Variants in TFEC observed in about 807,000 individuals in gnomAD.
TFEC encodes class E basic helix-loop-helix protein 34.
Under a neutral mutation model 41.6 loss-of-function variants are expected in TFEC, and 31 were observed. The observed-to-expected ratio is 0.74, with a 90% CI of 0.56 to 1.01. The LOEUF (loss-of-function observed/expected upper bound fraction) is 1.01. Among genes scored for constraint, TFEC ranks in the 50% least tolerant of loss-of-function variants. The pLI, the probability that TFEC is intolerant of heterozygous loss-of-function variation, is 0.00. For missense variants in TFEC, 402 were observed against 404.1 expected, an observed-to-expected ratio of 0.99 and a Z score of 0.04; for synonymous variants, 143 against 140.6, an observed-to-expected ratio of 1.02 and a Z score of -0.12.
rs973605528 is a variant in TFEC, at chr7:116,028,983, T to C, written c.-73+1650A>G. Reference sequence around the variant, plus strand: ...CACTATGCTACAAATTTGTACCTTATTTAAATGTCTTGTAATTATTTTGGG... The same window carrying C: ...CACTATGCTACAAATTTGTACCTTACTTAAATGTCTTGTAATTATTTTGGG... On this transcript the variant is annotated intron_variant, in intron 1 of 7. Coordinates refer to ENST00000265440, the MANE Select transcript of TFEC (RefSeq NM_012252.4). Among the ~76,000 whole-genome samples, 22 of 152,174 alleles carry C rather than the reference T, an allele frequency of 1.4e-4. 1 individual carries two copies. The highest frequency in any genetic ancestry group is 5.3e-4 in the African/African-American group (22 of 41,452).
intron 3 of TFEC, among the ~76,000 whole-genome samples, chr7:116,060,112 C>T (rs987249584): frequency 7.2e-5 from 11 of 151,992 alleles, no homozygotes; most frequent in African/African-American, 2.7e-4. Flanking sequence ...GTAAATTTAA[C>T]AAGGTTTCAG....
chr7:116,109,316 T>A (rs1397453145), intron 3 of TFEC, among the ~76,000 whole-genome samples: 1 of 152,092 alleles, frequency 6.6e-6, no homozygotes, highest in Non-Finnish European at 1.5e-5. Context: ...AATTTTGCAA[T>A]CTACTCATCT....
chr7:115,948,374 A>G (rs1341348087), intron 6 of TFEC, among the ~76,000 whole-genome samples: 1 of 152,122 alleles, frequency 6.6e-6, no homozygotes, highest in African/African-American at 2.4e-5. Flanking sequence ...CTGATACCAA[A>G]GCCGGGCAGA....
intron 1 of TFEC, among the ~76,000 whole-genome samples, chr7:116,112,785 A>T (rs567248294): frequency 2.8e-4 from 42 of 152,026 alleles, no homozygotes; most frequent in Non-Finnish European, 3.5e-4. Flanking sequence ...GTAATAACGG[A>T]TCAGCAAACC....
At chr7:115,974,283 A>G (rs770684531) in intron 2 of TFEC, 27 bp from the exon 3 acceptor site, 6 of 1,473,860 alleles carry the variant, frequency 4.1e-6, no homozygotes, top group Admixed American at 2.4e-5. Flanking sequence ...CATTTAGAAT[A>G]TTGTACATAA....
intron 3 of TFEC, among the ~76,000 whole-genome samples, chr7:115,971,199 T>C (rs1347744811): frequency 6.6e-6 from 1 of 151,926 alleles, no homozygotes; most frequent in Admixed American, 6.6e-5. Flanking sequence ...CCCAGAGACA[T>C]TGGCTTAGAA....
chr7:116,012,282 A>G (rs979184349), intron 1 of TFEC, among the ~76,000 whole-genome samples: 4 of 152,162 alleles, frequency 2.6e-5, no homozygotes, highest in Non-Finnish European at 4.4e-5. Flanking sequence ...ATAAAGCAAA[A>G]GACATTTTGC....
intron 3 of TFEC, among the ~76,000 whole-genome samples, chr7:116,051,831 G>A (rs1024015895): frequency 6.6e-6 from 1 of 151,900 alleles, no homozygotes; most frequent in Non-Finnish European, 1.5e-5. Flanking sequence ...TTTTTGATAG[G>A]TACTATGTTA....
intron 3 of TFEC, among the ~76,000 whole-genome samples, chr7:116,043,790 C>T (rs1188099698): frequency 6.6e-6 from 1 of 152,132 alleles, no homozygotes; most frequent in African/African-American, 2.4e-5. Context: ...TTAACATACA[C>T]TGAGAAATCC....
intron 3 of TFEC, among the ~76,000 whole-genome samples, chr7:116,073,810 A>G (rs1016986761): frequency 1.3e-5 from 2 of 151,998 alleles, no homozygotes; most frequent in Admixed American, 1.3e-4. Flanking sequence ...ATGGACTACA[A>G]TAGAAATCCA....
At chr7:115,987,199 T>C (rs977284643) in intron 1 of TFEC, among the ~76,000 whole-genome samples, 3 of 152,294 alleles carry the variant, frequency 2.0e-5, no homozygotes, top group Non-Finnish European at 4.4e-5. Context: ...GTACAACATC[T>C]GTAAACTAAG....
intron 1 of TFEC, among the ~76,000 whole-genome samples, chr7:116,117,076 C>G (rs1213410975): frequency 6.6e-6 from 1 of 150,502 alleles, no homozygotes; most frequent in Non-Finnish European, 1.5e-5. Flanking sequence ...AAGAATCCAA[C>G]AAAAATAAAC....
intron 3 of TFEC, among the ~76,000 whole-genome samples, chr7:115,963,243 C>T (rs11509942): frequency 0.14 from 20,784 of 151,808 alleles, 1,921 homozygotes; most frequent in Non-Finnish European, 0.21. Flanking sequence ...CCCAATATCA[C>T]TAGTCATTAG....
At chr7:115,968,394 C>T in intron 3 of TFEC, 1 of 1,179,050 alleles carries the variant, frequency 8.5e-7, no homozygotes, top group Non-Finnish European at 1.1e-6. Context: ...TGATGTTATG[C>T]AGTCCTTTCA....
intron 1 of TFEC, among the ~76,000 whole-genome samples, chr7:116,005,278 G>A (rs1220179225): frequency 2.0e-5 from 3 of 152,200 alleles, no homozygotes; most frequent in African/African-American, 4.8e-5. Context: ...GGAGGGCTCA[G>A]AAGAAGACAG....
intron 4 of TFEC, 119 bp downstream of exon 4, chr7:115,956,560 C>T (rs977043662): frequency 9.5e-6 from 5 of 524,868 alleles, no homozygotes; most frequent in African/African-American, 2.0e-5. Flanking sequence ...TTACTGTCTG[C>T]CTTCTTTTTT....
chr7:116,089,825 A>T lies in TFEC; in HGVS notation c.198+20883T>A, dbSNP rs564634684. ...TGGGGGAAGGATGCACATGAATAAA[A>T]ACGTATGGAAATTCTGGTTTTGAAA... On this transcript the variant is annotated intron_variant, in intron 3 of 8. Coordinates refer to the TFEC transcript ENST00000484212. 2.3e-3 allele frequency among the ~76,000 whole-genome samples: 350 copies of T among 152,260 alleles called. 2 individuals are homozygous for T. Among genetic ancestry groups the T allele is most frequent in the Non-Finnish European group, 4.0e-3 (273 of 68,008 alleles).
intron 3 of TFEC, among the ~76,000 whole-genome samples, chr7:115,971,951 C>T (rs1033297100): frequency 2.0e-5 from 3 of 152,028 alleles, no homozygotes; most frequent in Non-Finnish European, 4.4e-5. Flanking sequence ...GTCAGGTTAA[C>T]CACCTGCAAC....
intron 3 of TFEC, among the ~76,000 whole-genome samples, chr7:116,087,599 T>C (rs968234820): frequency 2.6e-5 from 4 of 152,100 alleles, no homozygotes; most frequent in South Asian, 4.1e-4. Context: ...AATTCTGTAC[T>C]CAGCTAATTA....
Sources: gnomAD v4.1 joint callset for allele counts (sites outside exome capture counted in the v4.1 genomes callset) on GRCh38, gnomAD v4.1.1 for gene constraint, MANE v1.5 for transcripts, NCBI Gene and HGNC (gene_info 2026-07-23, HGNC 2026-07-21) for gene names.